Variants in MICAL2 observed in about 807,000 individuals in gnomAD.
MICAL2 encodes [F-actin]-monooxygenase MICAL2.
Under a neutral mutation model 127.3 loss-of-function variants are expected in MICAL2, and 77 were observed. That is an observed-to-expected ratio of 0.60 (90% confidence interval 0.50 to 0.73). The LOEUF is 0.73. MICAL2 is among the 30% of genes least tolerant of loss of function. The pLI is 0.00. For synonymous variants in MICAL2, 570 were observed against 551.1 expected (o/e 1.03, Z -0.48); for missense variants, 1,351 against 1,434.4 (o/e 0.94, Z 0.94).
intron 15 of MICAL2, among the ~76,000 whole-genome samples, chr11:12,231,195 G>T (rs1044063338): frequency 1.3e-5 from 2 of 152,194 alleles, no homozygotes; most frequent in Admixed American, 6.5e-5. Context: ...GGCCACTACG[G>T]TCATTACTGT....
chr11:12,247,878 T>C (rs1860977041), intron 21 of MICAL2, among the ~76,000 whole-genome samples: 2 of 152,290 alleles, frequency 1.3e-5, no homozygotes, highest in South Asian at 4.1e-4. Context: ...TGGGCTGCTC[T>C]TTTTGCTCAA....
intron 4 of MICAL2, among the ~76,000 whole-genome samples, chr11:12,204,950 T>C (rs1854495947): frequency 6.6e-6 from 1 of 152,220 alleles, no homozygotes; most frequent in Admixed American, 6.5e-5. Context: ...CAAAGGAGTT[T>C]GGACATTGTG....
downstream of MICAL2, chr11:12,293,431 A>G: frequency 3.4e-6 from 4 of 1,188,332 alleles, no homozygotes; most frequent in South Asian, 6.5e-5. Flanking sequence ...AGGCAAAATT[A>G]TTTTTTAATT....
chr11:12,357,126 G>A (rs190369492), intron 34 of MICAL2, among the ~76,000 whole-genome samples: 5 of 152,244 alleles, frequency 3.3e-5, no homozygotes, highest in African/African-American at 1.2e-4. Context: ...AGACCTACCT[G>A]CTTCCTGGCC....
At chr11:12,343,406 TAAAAA>T (rs57546290) in intron 32 of MICAL2, among the ~76,000 whole-genome samples, 3 of 110,090 alleles carry the variant, frequency 2.7e-5, no homozygotes, top group Non-Finnish European at 5.6e-5. Flanking sequence ...TTCATCTCAT[TAAAAA>T]AAAAAAAAAA....
chr11:12,320,857 T>C (rs554256356), intron 30 of MICAL2, among the ~76,000 whole-genome samples: 119 of 151,112 alleles, frequency 7.9e-4, no homozygotes, highest in Non-Finnish European at 1.5e-3. Context: ...ACAGAGAGAG[T>C]TGAGGGAGAA....
chr11:12,220,546 C>T lies in MICAL2; in HGVS notation c.1206+88C>T, dbSNP rs112428624. The T allele has an allele frequency of 3.4e-3, 5,056 of 1,508,732 alleles. 21 individuals are homozygous for T. Among genetic ancestry groups the T allele is most frequent in the African/African-American group, 0.014 (1,003 of 73,148 alleles). The allele number at this position is 1,508,732 out of a possible 1,614,324, so 93.5% of individuals were successfully genotyped here. A position where few individuals can be genotyped will look rare whatever the true frequency, so the allele number is the denominator to read the frequency against. ...GCAGGCAGTATCTGCTGTTGTGCAG[C>T]GGGGAGAGGACAGGCTCTCAGCCAG... On this transcript the variant is annotated intron_variant, in intron 9 of 27. Coordinates refer to ENST00000683283, the MANE Select transcript of MICAL2 (RefSeq NM_001282663.2).
chr11:12,291,693 T>C (rs1269093201), downstream of MICAL2, among the ~76,000 whole-genome samples: 1 of 152,232 alleles, frequency 6.6e-6, no homozygotes, highest in Non-Finnish European at 1.5e-5. Flanking sequence ...CCCATCTCAT[T>C]AGTCGTGGAT....
At chr11:12,319,675 G>C (rs1864270036) in intron 29 of MICAL2, 1 of 1,557,282 alleles carries the variant, frequency 6.4e-7, no homozygotes, top group Non-Finnish European at 8.9e-7. Context: ...AGTTCATTGA[G>C]TTTTTCTGTT....
downstream of MICAL2, among the ~76,000 whole-genome samples, chr11:12,268,722 C>G (rs530344967): frequency 8.5e-5 from 13 of 152,184 alleles, no homozygotes; most frequent in South Asian, 2.1e-4. Flanking sequence ...CGGGCGCGGT[C>G]GCTCACGCGT....
chr11:12,183,238 T>A (rs532589116), intron 3 of MICAL2, among the ~76,000 whole-genome samples: 102 of 152,222 alleles, frequency 6.7e-4, no homozygotes, highest in African/African-American at 2.4e-3. Context: ...TGTAATACAT[T>A]GTTGTGGTTT....
rs143833050 is a variant in MICAL2, at chr11:12,217,503, C to T, written c.948+1184C>T. ...CTGACTGTCAGTCTGGGAGTGGTGG[C>T]GTCCCCTTCTTCCCTCTGCCTCACA... is the stretch of plus-strand genomic sequence containing the variant. On this transcript the variant is annotated intron_variant, in intron 8 of 27. Coordinates refer to ENST00000683283, the MANE Select transcript of MICAL2 (RefSeq NM_001282663.2). Among the ~76,000 whole-genome samples, 298 of 152,258 alleles carry T rather than the reference C, an allele frequency of 2.0e-3. 2 individuals are homozygous for T. The highest frequency in any genetic ancestry group is 3.0e-3 in the Non-Finnish European group (201 of 68,014).
intron 15 of MICAL2, among the ~76,000 whole-genome samples, chr11:12,230,674 C>A (rs1858119460): frequency 6.6e-6 from 1 of 151,934 alleles, no homozygotes; most frequent in Admixed American, 6.6e-5. Context: ...GCTTAAGAAC[C>A]TCCCTCCCTG....
chr11:12,137,731 G>A (rs1301620110), intron 1 of MICAL2, among the ~76,000 whole-genome samples: 1 of 152,100 alleles, frequency 6.6e-6, no homozygotes, highest in East Asian at 1.9e-4. Context: ...GTCCCTTTGA[G>A]GTTACCTCTT....
chr11:12,295,691 C>T (rs931196434), downstream of MICAL2, among the ~76,000 whole-genome samples: 4 of 151,924 alleles, frequency 2.6e-5, no homozygotes, highest in Non-Finnish European at 5.9e-5. Flanking sequence ...GCCACTATGC[C>T]TAGCCAAAAA....
At chr11:12,194,829 G>A (rs1242245416) in intron 3 of MICAL2, among the ~76,000 whole-genome samples, 1 of 152,172 alleles carries the variant, frequency 6.6e-6, no homozygotes, top group Non-Finnish European at 1.5e-5. Flanking sequence ...ACCATTCACA[G>A]GGAGAAAACC....
rs762254632 is a variant in MICAL2, at chr11:12,220,310, C to A, written c.1058C>A (p.Ser353Tyr). 1 of 1,614,246 alleles carries A rather than the reference C, an allele frequency of 6.2e-7. No individual in the cohort carries two copies. The highest frequency in any genetic ancestry group is 1.1e-5 in the South Asian group (1 of 91,088). The change falls in exon 9 of 28, where the codon TCC becomes TAC. Residue 353 changes from serine to tyrosine, a missense_variant. Transcript: ENST00000683283. Reference protein sequence around the residue: ...ADFATNYQLPSLDFAMNHYGQ... With the variant: ...ADFATNYQLPYLDFAMNHYGQ... ...TTTGCCACCAACTACCAGCTGCCAT[C>A]CTTAGACTTTGCCATGAACCACTAT...
At chr11:12,309,897 T>C (rs1374824863) in intron 29 of MICAL2, among the ~76,000 whole-genome samples, 1 of 152,194 alleles carries the variant, frequency 6.6e-6, no homozygotes, top group African/African-American at 2.4e-5. Flanking sequence ...GATATCTCAT[T>C]GTGGTTCGGA....
chr11:12,170,970 G>A lies in MICAL2; in HGVS notation c.264+8551G>A, dbSNP rs193021637. Among the ~76,000 whole-genome samples, 9 of 152,326 alleles carry A rather than the reference G, an allele frequency of 5.9e-5. No homozygotes were observed. In the East Asian group the frequency reaches 1.7e-3, roughly 29 times the overall value. ...GTGGCTCAAAGGGCTTCTTTCTGGA[G>A]CTTTACTATGTGAGCCCCGGTGTTT... is the stretch of plus-strand genomic sequence containing the variant. On this transcript the variant is annotated intron_variant, in intron 3 of 27. Coordinates refer to ENST00000683283, the MANE Select transcript of MICAL2 (RefSeq NM_001282663.2).
Sources: gnomAD v4.1 joint callset for allele counts (sites outside exome capture counted in the v4.1 genomes callset) on GRCh38, gnomAD v4.1.1 for gene constraint, MANE v1.5 for transcripts, NCBI Gene and HGNC (gene_info 2026-07-23, HGNC 2026-07-21) for gene names.